Variants in DIAPH3 observed in about 807,000 individuals in gnomAD.
The protein encoded by DIAPH3 is protein diaphanous homolog 3.
A neutral mutation model predicts 144.3 loss-of-function variants in DIAPH3; 117 were observed. That is an observed-to-expected ratio of 0.81 (90% CI 0.70 to 0.95). DIAPH3 has a LOEUF of 0.95. DIAPH3 is among the 40% of genes least tolerant of loss of function. The pLI is 0.00. For missense variants in DIAPH3, 1,421 were observed against 1,412.7 expected (o/e 1.01, Z -0.09); for synonymous variants, 519 against 488.9 (o/e 1.06, Z -0.81).
At chr13:59,739,117 C>T (rs1161891392) in intron 27 of DIAPH3, among the ~76,000 whole-genome samples, 1 of 152,128 alleles carries the variant, frequency 6.6e-6, no homozygotes, top group East Asian at 1.9e-4. Flanking sequence ...TGCTTAGGTC[C>T]AAAGTATCAA....
At chr13:59,850,078 C>G (rs1308380286) in intron 22 of DIAPH3, among the ~76,000 whole-genome samples, 15 of 149,206 alleles carry the variant, frequency 1.0e-4, no homozygotes, top group African/African-American at 3.5e-4. Context: ...CTCTTTGAAG[C>G]AATTGTGAAT....
chr13:59,987,528 A>T (rs889772305), intron 12 of DIAPH3, among the ~76,000 whole-genome samples: 1 of 144,086 alleles, frequency 6.9e-6, no homozygotes, highest in African/African-American at 2.5e-5. Context: ...AAAAAAAGTT[A>T]TTTGAGATTA....
chr13:60,142,111 A>C (rs1360367962), intron 1 of DIAPH3, among the ~76,000 whole-genome samples: 2 of 152,236 alleles, frequency 1.3e-5, no homozygotes, highest in Non-Finnish European at 2.9e-5. Context: ...GACCATTTCA[A>C]AGACGTGGGC....
chr13:59,710,219 C>A (rs2034657995), intron 27 of DIAPH3, among the ~76,000 whole-genome samples: 1 of 146,158 alleles, frequency 6.8e-6, no homozygotes, highest in East Asian at 2.0e-4. Context: ...ACATTGTGCA[C>A]ATGTACCCTA....
At chr13:59,839,618 AAAAG>A (rs753737945) in intron 22 of DIAPH3, among the ~76,000 whole-genome samples, 170 bp from the exon 23 acceptor site, 3 of 152,218 alleles carry the variant, frequency 2.0e-5, no homozygotes, top group Non-Finnish European at 2.9e-5. Context: ...ATCTAGTTAT[AAAAG>A]AAATTCAGTA....
At chr13:60,093,546 T>C (rs1226909587) in intron 4 of DIAPH3, 82 bp downstream of exon 4, 1 of 917,526 alleles carries the variant, frequency 1.1e-6, no homozygotes, top group Non-Finnish European at 1.8e-6. Flanking sequence ...CCCACAAACT[T>C]AAGTACTTCA....
At chr13:59,973,299 T>C (rs2050491846) in intron 15 of DIAPH3, among the ~76,000 whole-genome samples, 1 of 152,088 alleles carries the variant, frequency 6.6e-6, no homozygotes, top group South Asian at 2.1e-4. Context: ...GTTCTTAAAT[T>C]TACGTTACCC....
chr13:59,969,276 T>C (rs1173592675), intron 17 of DIAPH3, among the ~76,000 whole-genome samples: 1 of 152,142 alleles, frequency 6.6e-6, no homozygotes, highest in Non-Finnish European at 1.5e-5. Flanking sequence ...AAAGATCATA[T>C]AACCTACTCA....
At chr13:60,002,845 A>C (rs1265225257) in intron 9 of DIAPH3, among the ~76,000 whole-genome samples, 1 of 152,210 alleles carries the variant, frequency 6.6e-6, no homozygotes, top group Non-Finnish European at 1.5e-5. Context: ...GGTTTCAACA[A>C]ACTCTTTGAA....
chr13:59,679,605 T>C (rs886308662), intron 27 of DIAPH3, among the ~76,000 whole-genome samples: 7 of 152,108 alleles, frequency 4.6e-5, no homozygotes, highest in African/African-American at 1.7e-4. Context: ...AGCAGGAAAA[T>C]GGACAAGGAG....
chr13:60,062,066 C>T (rs1418439687), intron 4 of DIAPH3, among the ~76,000 whole-genome samples: 1 of 152,086 alleles, frequency 6.6e-6, no homozygotes, highest in Non-Finnish European at 1.5e-5. Context: ...GTTTATTTCC[C>T]CTATTTTATC....
chr13:59,993,632 C>T (rs1393587916), intron 9 of DIAPH3, among the ~76,000 whole-genome samples: 5 of 135,262 alleles, frequency 3.7e-5, no homozygotes, highest in East Asian at 4.2e-4. Flanking sequence ...CCTCTACTGT[C>T]GAAACTTAAG....
chr13:59,816,361 A>G (rs1319115629), intron 24 of DIAPH3, among the ~76,000 whole-genome samples: 1 of 151,878 alleles, frequency 6.6e-6, no homozygotes, highest in Admixed American at 6.6e-5. Context: ...TTTCTTTTAA[A>G]GTAATTTCAG....
intron 20 of DIAPH3, among the ~76,000 whole-genome samples, chr13:59,899,310 G>A (rs1218107906): frequency 6.6e-6 from 1 of 152,120 alleles, no homozygotes; most frequent in East Asian, 1.9e-4. Flanking sequence ...TGTGCCTCTA[G>A]AGAACCCTGA....
intron 12 of DIAPH3, among the ~76,000 whole-genome samples, chr13:59,990,319 C>A (rs1301228953): frequency 1.3e-5 from 2 of 151,686 alleles, no homozygotes; most frequent in Non-Finnish European, 2.9e-5. Context: ...TGATGTTACC[C>A]CGAGGACACA....
chr13:59,676,564 G>A (rs1267848779), intron 27 of DIAPH3, among the ~76,000 whole-genome samples: 1 of 152,180 alleles, frequency 6.6e-6, no homozygotes, highest in Non-Finnish European at 1.5e-5. Flanking sequence ...AGTTAATTCA[G>A]TGAGGGTTTA....
At chr13:59,709,768 T>A (rs1387526411) in intron 27 of DIAPH3, among the ~76,000 whole-genome samples, 1 of 152,142 alleles carries the variant, frequency 6.6e-6, no homozygotes, top group East Asian at 1.9e-4. Context: ...GGACTATAAA[T>A]CATGCTGCTA....
Position 60,008,551 on chromosome 13 carries a change from T to G in DIAPH3, c.1007A>C (p.Gln336Pro). The stretch of plus-strand genomic sequence containing the variant: ...TATACACACAAAACTTACTTGCAGT[T>G]GAACTGAATTGTGCCGGAGGCCTTC... The part of the protein sequence containing the change: ...IVEGLRHNSV[Q>P]LQVACMQLIN... The change falls in exon 9 of 28, where the codon CAA (glutamine) becomes CCA (proline). Residue 336 changes from glutamine (Q) to proline (P), a missense_variant. Transcript: ENST00000400324. 6.2e-7 allele frequency: 1 copy of G among 1,611,376 alleles called. No homozygotes were observed.
chr13:59,954,348 C>A (rs1040199962), intron 17 of DIAPH3, among the ~76,000 whole-genome samples: 5 of 152,162 alleles, frequency 3.3e-5, no homozygotes, highest in African/African-American at 9.7e-5. Context: ...TTGTAAGTTA[C>A]TTCCTTTATC....
Sources: allele counts gnomAD v4.1 joint callset (sites outside exome capture counted in the v4.1 genomes callset), GRCh38; gene constraint gnomAD v4.1.1; transcripts MANE v1.5; gene names NCBI Gene and HGNC (gene_info 2026-07-23, HGNC 2026-07-21).